CLSTN2: variants seen among roughly 807,000 people sequenced by gnomAD.
CLSTN2 encodes the protein calsyntenin 2.
In CLSTN2, 48 loss-of-function variants were observed where a neutral mutation model predicts 101.2. The observed-to-expected ratio is 0.47, with a 90% CI of 0.38 to 0.60. CLSTN2 has a LOEUF of 0.60. Ranked by LOEUF, CLSTN2 falls within the 20% of genes least tolerant of loss-of-function variation. The pLI, the probability that CLSTN2 is intolerant of heterozygous loss-of-function variation, is 0.00. For missense variants in CLSTN2, 1,160 were observed against 1,238.2 expected, an observed-to-expected ratio of 0.94 and a Z score of 0.95; for synonymous variants, 481 against 463.6, an observed-to-expected ratio of 1.04 and a Z score of -0.48.
At chr3:140,392,848 A>T (rs2088132377) in intron 2 of CLSTN2, among the ~76,000 whole-genome samples, 1 of 149,496 alleles carries the variant, frequency 6.7e-6, no homozygotes, top group Non-Finnish European at 1.5e-5. Context: ...AAAAGAACTT[A>T]TTTTTTTTTT....
At chr3:140,519,937 G>T (rs1934993221) in intron 8 of CLSTN2, among the ~76,000 whole-genome samples, 1 of 152,164 alleles carries the variant, frequency 6.6e-6, no homozygotes, top group Admixed American at 6.5e-5. Context: ...TTTTGTAGTG[G>T]CTGGTAATGG....
At chr3:140,196,560 G>A (rs571268180) in intron 2 of CLSTN2, among the ~76,000 whole-genome samples, 1 of 152,330 alleles carries the variant, frequency 6.6e-6, no homozygotes, top group Non-Finnish European at 1.5e-5. Context: ...GACCCTTGCT[G>A]GTCATCAGGG....
At chr3:140,309,984 C>A (rs1478418084) in intron 2 of CLSTN2, among the ~76,000 whole-genome samples, 1 of 152,122 alleles carries the variant, frequency 6.6e-6, no homozygotes, top group Non-Finnish European at 1.5e-5. Context: ...CCTGCTAGGG[C>A]CCCTTCTACC....
At chr3:140,450,310 C>G (rs1481885437) in intron 6 of CLSTN2, among the ~76,000 whole-genome samples, 1 of 152,218 alleles carries the variant, frequency 6.6e-6, no homozygotes, top group East Asian at 1.9e-4. Flanking sequence ...CTAAGGCTAT[C>G]CATCCAGGCC....
intron 5 of CLSTN2, among the ~76,000 whole-genome samples, chr3:140,438,128 T>C (rs1020261214): frequency 3.3e-5 from 5 of 152,160 alleles, no homozygotes; most frequent in Admixed American, 1.3e-4. Context: ...TCTTTGAATT[T>C]TGGCTACCTT....
intron 2 of CLSTN2, among the ~76,000 whole-genome samples, chr3:140,338,564 T>TCCC: frequency 6.6e-6 from 1 of 150,868 alleles, no homozygotes; most frequent in African/African-American, 2.5e-5. Context: ...AAATGTCCAG[T>TCCC]CCCCCCCCGG....
intron 2 of CLSTN2, among the ~76,000 whole-genome samples, chr3:140,352,710 C>T (rs1576528394): frequency 6.6e-6 from 1 of 152,300 alleles, no homozygotes. Context: ...TTCCTCAGAG[C>T]TGCTCTCTAA....
chr3:140,224,489 G>T (rs2086301982), intron 2 of CLSTN2, among the ~76,000 whole-genome samples: 1 of 152,190 alleles, frequency 6.6e-6, no homozygotes, highest in South Asian at 2.1e-4. Context: ...CTGCCAGCAT[G>T]GAGTTTATAT....
intron 1 of CLSTN2, among the ~76,000 whole-genome samples, chr3:139,980,482 C>A (rs1007001620): frequency 6.6e-6 from 1 of 152,042 alleles, no homozygotes; most frequent in African/African-American, 2.4e-5. Flanking sequence ...AATTTCTTGT[C>A]TCTTTGTGTG....
chr3:140,407,763 C>A (rs2088320014), intron 4 of CLSTN2, among the ~76,000 whole-genome samples: 1 of 152,130 alleles, frequency 6.6e-6, no homozygotes, highest in South Asian at 2.1e-4. Flanking sequence ...ATAAGTAGAG[C>A]TTGGGTCCTC....
At chr3:140,423,550 A>G (rs896869618) in intron 5 of CLSTN2, among the ~76,000 whole-genome samples, 2 of 152,338 alleles carry the variant, frequency 1.3e-5, no homozygotes, top group South Asian at 4.1e-4. Context: ...ATCAGAATCA[A>G]CTACTTCATA....
chr3:139,944,525 C>A (rs865887797), intron 1 of CLSTN2, among the ~76,000 whole-genome samples: 19 of 152,332 alleles, frequency 1.2e-4, no homozygotes, highest in Middle Eastern at 3.4e-3. Context: ...CTGTCTTTCA[C>A]CCACCAGTCC....
Position 140,448,604 on chromosome 3 carries a change from C to A in CLSTN2, c.873C>A (p.Ala291=), listed in dbSNP as rs750995886. 1.9e-6 allele frequency: 3 copies of A among 1,613,952 alleles called. No individual in the cohort carries two copies. Among genetic ancestry groups the A allele is most frequent in the Middle Eastern group, 1.6e-4 (1 of 6,084 alleles). Reference sequence around the variant, plus strand: ...TCCACCTGGAGACGTGCGATGGAGCCGTGTCTTCCCTCCAGATCGTCACAG... The same window carrying A: ...TCCACCTGGAGACGTGCGATGGAGCAGTGTCTTCCCTCCAGATCGTCACAG... ...PSIHLETCDG[A]VSSLQIVTEL... Residue 291 remains alanine (A), a synonymous_variant, in exon 6 of 17, where the codon GCC becomes GCA. Transcript: ENST00000458420.
At chr3:140,053,140 CT>C (rs2008029728) in intron 1 of CLSTN2, among the ~76,000 whole-genome samples, 1 of 152,148 alleles carries the variant, frequency 6.6e-6, no homozygotes, top group Non-Finnish European at 1.5e-5. Flanking sequence ...AAGCATCCTC[CT>C]GCCTGAGGGC....
Position 140,373,710 on chromosome 3 carries a change from T to C in CLSTN2, c.233-29919T>C, listed in dbSNP as rs529738286. Among the ~76,000 whole-genome samples the C allele has an allele frequency of 9.8e-4, 149 of 152,314 alleles. 1 individual carries two copies. The highest frequency in any genetic ancestry group is 1.5e-3 in the Non-Finnish European group (102 of 68,034). ...AAAGGAACAATCACTCTAACCTACA[T>C]ACACCATCATGTGTGAGGCTCTGAC... On this transcript the variant is annotated intron_variant, in intron 2 of 16. Transcript: ENST00000458420.
In CLSTN2 at chr3:140,065,653, T is replaced by C. The variant is rs2008286956; in HGVS notation, c.110-110298T>C. Among the ~76,000 whole-genome samples, 3 of 152,164 alleles carry C rather than the reference T, an allele frequency of 2.0e-5. No homozygotes were observed. The South Asian group carries it at 6.2e-4, about 32-fold the overall frequency. On this transcript the variant is annotated intron_variant, in intron 1 of 16. Transcript: ENST00000458420. ...GGTCAACACCCAGACTTAACTGGTCTCTAAGATACTATAAAGTCTCTCTAG... is the reference window on the plus strand; with the variant it reads ...GGTCAACACCCAGACTTAACTGGTCCCTAAGATACTATAAAGTCTCTCTAG...
chr3:140,370,399 G>T (rs944881603), intron 2 of CLSTN2, among the ~76,000 whole-genome samples: 1 of 152,142 alleles, frequency 6.6e-6, no homozygotes, highest in African/African-American at 2.4e-5. Flanking sequence ...GACCTAAGGT[G>T]GCTTTGTGTT....
intron 1 of CLSTN2, among the ~76,000 whole-genome samples, chr3:140,163,295 G>A (rs9862768): frequency 0.68 from 103,801 of 151,968 alleles, 39,682 homozygotes; most frequent in East Asian, 0.91. Flanking sequence ...AAAGAAAAAA[G>A]TTGCCTCAAG....
chr3:139,945,090 C>T (rs575873611), intron 1 of CLSTN2, among the ~76,000 whole-genome samples: 2 of 152,112 alleles, frequency 1.3e-5, no homozygotes, highest in Admixed American at 1.3e-4. Context: ...AAAAAGACAT[C>T]ATTTTTGTGA....
Sources: gnomAD v4.1 joint callset for allele counts (sites outside exome capture counted in the v4.1 genomes callset) on GRCh38, gnomAD v4.1.1 for gene constraint, MANE v1.5 for transcripts, NCBI Gene and HGNC (gene_info 2026-07-23, HGNC 2026-07-21) for gene names.